Variants in NWD1 observed in about 807,000 individuals in gnomAD.
The protein encoded by NWD1 is NACHT and WD repeat domain containing 1.
A neutral mutation model predicts 135.1 loss-of-function variants in NWD1; 129 were observed. The ratio of observed to expected loss-of-function variants is 0.96; its 90% CI spans 0.83 to 1.11. The LOEUF (loss-of-function observed/expected upper bound fraction) is 1.11. Ranked by LOEUF, NWD1 falls within the 50% of genes least tolerant of loss-of-function variation. NWD1 has a pLI of 0.00. For synonymous variants in NWD1, 773 were observed against 786.0 expected (o/e 0.98, Z 0.28); for missense variants, 1,740 against 1,851.3 (o/e 0.94, Z 1.10).
chr19:16,749,615 C>T lies in NWD1; in HGVS notation c.973C>T (p.Gln325Ter). The T allele has an allele frequency of 6.2e-7, 1 of 1,611,716 alleles. No homozygotes were observed. Reference sequence around the variant, plus strand: ...GGAACTCCTGGCCCGGCTTGGGCAGCAGCTCAGGCACGATGACAGCAAGCA... The same window carrying T: ...GGAACTCCTGGCCCGGCTTGGGCAGTAGCTCAGGCACGATGACAGCAAGCA... ...RQELLARLGQ[Q>*]LRHDDSKQHT... The change falls in exon 6 of 19, where the codon CAG becomes TAG. Residue 325 changes from glutamine to a stop codon, truncating the protein, a stop_gained. Transcript: ENST00000524140. LOFTEE classifies it high-confidence loss of function.
chr19:16,750,557 T>G, intron 6 of NWD1, 146 bp downstream of exon 6: 1 of 583,536 alleles, frequency 1.7e-6, no homozygotes, highest in Non-Finnish European at 2.8e-6. Flanking sequence ...CAGGCTCAAG[T>G]GATCCTCACG....
intron 5 of NWD1, 95 bp downstream of exon 5, chr19:16,744,813 A>G (rs1968239574): frequency 4.6e-6 from 5 of 1,091,762 alleles, no homozygotes; most frequent in Non-Finnish European, 6.7e-6. Flanking sequence ...AACAGTCTGC[A>G]TTTCTTGCAA....
chr19:16,787,964 C>G (rs1456564346), intron 12 of NWD1, among the ~76,000 whole-genome samples: 1 of 147,666 alleles, frequency 6.8e-6, no homozygotes, highest in South Asian at 2.1e-4. Context: ...CGCGGCGGCT[C>G]ATGCCTGTAA....
At chr19:16,791,700 T>G in intron 14 of NWD1, 78 bp downstream of exon 14, 1 of 1,387,440 alleles carries the variant, frequency 7.2e-7, no homozygotes, top group Non-Finnish European at 1.0e-6. Context: ...TTGGGAAAAA[T>G]AATCTTGCCT....
chr19:16,798,816 G>A (rs1041328349), intron 16 of NWD1, among the ~76,000 whole-genome samples: 38 of 152,070 alleles, frequency 2.5e-4, no homozygotes, highest in East Asian at 9.7e-4. Context: ...TAGTAGAGAC[G>A]GGGTTCCGCC....
intron 6 of NWD1, among the ~76,000 whole-genome samples, chr19:16,754,542 G>A (rs528245754): frequency 5.7e-4 from 67 of 117,202 alleles, no homozygotes; most frequent in African/African-American, 2.2e-3. Flanking sequence ...CCATCATCTC[G>A]ATCTTCCATC....
At position 16,767,506 on chromosome 19, in the gene NWD1, T is replaced by G. The variant is rs551693800; in HGVS notation, c.2410+2314T>G. On this transcript the variant is annotated intron_variant, in intron 10 of 18. Coordinates refer to ENST00000524140, the MANE Select transcript of NWD1 (RefSeq NM_001007525.5). Reference sequence around the variant, plus strand: ...GGCACATGCCTGTAGTTCCAGCTACTTGAGAGGCTGAGGTGGGAAAATTGC... The same window carrying G: ...GGCACATGCCTGTAGTTCCAGCTACGTGAGAGGCTGAGGTGGGAAAATTGC... Among the ~76,000 whole-genome samples the G allele has an allele frequency of 7.9e-5, 12 of 152,098 alleles. No individual in the cohort carries two copies. The South Asian group carries it at 8.3e-4, about 11-fold the overall frequency.
intron 4 of NWD1, 80 bp downstream of exon 4, chr19:16,736,830 A>G: frequency 1.2e-6 from 1 of 846,452 alleles, no homozygotes; most frequent in East Asian, 2.7e-5. Flanking sequence ...TGATCAGCAG[A>G]GGGAAGTAGG....
chr19:16,775,193 G>C (rs1040796371), intron 11 of NWD1, among the ~76,000 whole-genome samples: 1 of 152,092 alleles, frequency 6.6e-6, no homozygotes, highest in African/African-American at 2.4e-5. Context: ...ATGCATGGAG[G>C]AGTTGATTTA....
intron 18 of NWD1, among the ~76,000 whole-genome samples, chr19:16,812,429 G>A (rs570363743): frequency 5.3e-5 from 8 of 152,020 alleles, no homozygotes; most frequent in East Asian, 1.9e-4. Context: ...AGCACTTTGC[G>A]AGACCAAGGC....
At chr19:16,786,302 C>T (rs1427315090) in intron 12 of NWD1, among the ~76,000 whole-genome samples, 2 of 151,980 alleles carry the variant, frequency 1.3e-5, no homozygotes, top group Admixed American at 1.3e-4. Context: ...GCCACCTGGC[C>T]CAGTCATATC....
chr19:16,738,797 A>G (rs1409827771), intron 4 of NWD1, among the ~76,000 whole-genome samples: 2 of 130,944 alleles, frequency 1.5e-5, no homozygotes, highest in African/African-American at 6.1e-5. Flanking sequence ...ATAATAACAT[A>G]TAACATACTA....
intron 17 of NWD1, among the ~76,000 whole-genome samples, chr19:16,804,685 T>C (rs1321814413): frequency 6.6e-6 from 1 of 151,930 alleles, no homozygotes; most frequent in Non-Finnish European, 1.5e-5. Context: ...GCCAGCAACT[T>C]TGTTGTCTTG....
chr19:16,722,295 CTT>C (rs1008291274), intron 1 of NWD1, among the ~76,000 whole-genome samples: 1 of 141,120 alleles, frequency 7.1e-6, no homozygotes, highest in Admixed American at 7.1e-5. Context: ...CAAGACTTGA[CTT>C]TTTTTTTTTT....
At chr19:16,729,416 T>A (rs1471106690) in intron 2 of NWD1, among the ~76,000 whole-genome samples, 1 of 151,928 alleles carries the variant, frequency 6.6e-6, no homozygotes, top group East Asian at 1.9e-4. Flanking sequence ...TCCTTCTTAT[T>A]CTGATCCTTT....
chr19:16,774,208 T>C (rs1969518954), intron 11 of NWD1, among the ~76,000 whole-genome samples: 1 of 146,090 alleles, frequency 6.8e-6, no homozygotes, highest in Non-Finnish European at 1.5e-5. Flanking sequence ...CACCCTTCCA[T>C]CCATCTATCC....
chr19:16,812,821 G>T (rs139552917), intron 18 of NWD1: 1 of 780,930 alleles, frequency 1.3e-6, no homozygotes, highest in South Asian at 1.3e-5. Context: ...TTAAAGGATC[G>T]CTCTATACTT....
chr19:16,727,550 G>A (rs1029874057), intron 2 of NWD1: 2 of 152,632 alleles, frequency 1.3e-5, no homozygotes, highest in Admixed American at 6.5e-5. Flanking sequence ...TGGTGGGTGG[G>A]CGGCAATGAG....
At position 16,750,193 on chromosome 19, in the gene NWD1, G is replaced by A. The variant is rs148902093; in HGVS notation, c.1551G>A (p.Pro517=). ...LLAAARRTLS[P]VHTDLLWASL... ...CAGCTGCAAGGAGGACGCTGAGCCC[G>A]GTGCACACAGATTTGCTCTGGGCCA... The change falls in exon 6 of 19, where the codon CCG becomes CCA. Residue 517 remains proline, a synonymous_variant. Transcript: ENST00000524140. 65 of 1,613,138 alleles carry A rather than the reference G, an allele frequency of 4.0e-5. No homozygotes were observed. The highest frequency in any genetic ancestry group is 1.1e-4 in the South Asian group (10 of 91,026).
Sources: allele counts gnomAD v4.1 joint callset (sites outside exome capture counted in the v4.1 genomes callset), GRCh38; gene constraint gnomAD v4.1.1; transcripts MANE v1.5; gene names NCBI Gene and HGNC (gene_info 2026-07-23, HGNC 2026-07-21).